The following HDAC9 variants were observed in gnomAD, a reference collection of about 807,000 sequenced individuals.
HDAC9 encodes MEF-2 interacting transcription repressor (MITR) protein.
A neutral mutation model predicts 139.4 loss-of-function variants in HDAC9; 41 were observed. The ratio of observed to expected loss-of-function variants is 0.29; its 90% confidence interval spans 0.23 to 0.38. The LOEUF is 0.38. Ranked by LOEUF, HDAC9 falls within the 10% of genes least tolerant of loss-of-function variation. The pLI is 1.00. For synonymous variants in HDAC9, 517 were observed against 476.2 expected (o/e 1.09, Z -1.12); for missense variants, 1,147 against 1,297.0 (o/e 0.88, Z 1.78).
chr7:18,362,538 G>A (rs1209138130), intron 1 of HDAC9, among the ~76,000 whole-genome samples: 1 of 152,046 alleles, frequency 6.6e-6, no homozygotes, highest in East Asian at 1.9e-4. Context: ...TAAATAGCTT[G>A]GAATTATGAG....
intron 2 of HDAC9, among the ~76,000 whole-genome samples, chr7:18,271,124 C>G (rs1004862853): frequency 6.6e-6 from 1 of 152,046 alleles, no homozygotes; most frequent in Admixed American, 6.6e-5. Flanking sequence ...GATTGTTTTT[C>G]ACTATTATTC....
At chr7:18,834,486 A>G (rs1796082975) in intron 19 of HDAC9, among the ~76,000 whole-genome samples, 1 of 151,788 alleles carries the variant, frequency 6.6e-6, no homozygotes, top group Non-Finnish European at 1.5e-5. Flanking sequence ...TATCTGTATC[A>G]TAAAACAGTG....
rs138887802 is a variant in HDAC9, at chr7:18,266,368, A to G, written c.25+104019A>G. Among the ~76,000 whole-genome samples, 715 of 152,262 alleles carry G rather than the reference A, an allele frequency of 4.7e-3. 2 individuals are homozygous for G. The highest frequency in any genetic ancestry group is 0.016 in the African/African-American group (675 of 41,562). On this transcript the variant is annotated intron_variant, in intron 2 of 12. Coordinates refer to the HDAC9 transcript ENST00000417496. ...TCATTTTTGATAAGTTATAGGCCAAATACTCAGGTCTGAATAATCAGTTAA... is the reference window on the plus strand; with the variant it reads ...TCATTTTTGATAAGTTATAGGCCAAGTACTCAGGTCTGAATAATCAGTTAA...
At chr7:18,955,041 CCACTT>C (rs1260717509) in intron 24 of HDAC9, among the ~76,000 whole-genome samples, 1 of 152,062 alleles carries the variant, frequency 6.6e-6, no homozygotes, top group Non-Finnish European at 1.5e-5. Context: ...AAATAATTCT[CCACTT>C]CATCTCACTC....
intron 21 of HDAC9, among the ~76,000 whole-genome samples, chr7:18,844,823 T>A (rs756453172): frequency 6.6e-6 from 1 of 152,208 alleles, no homozygotes. Flanking sequence ...CTCCCAGAGC[T>A]GCCTCATTAG....
chr7:18,625,982 A>AGGACTATATTAATCAGGATCCTGGCAGG (rs1841600452), intron 6 of HDAC9, among the ~76,000 whole-genome samples: 1 of 141,376 alleles, frequency 7.1e-6, no homozygotes, highest in Non-Finnish European at 1.5e-5. Flanking sequence ...AAAGATATGT[A>AGGACTATATTAATCAGGATCCTGGCAGG]GGACTATATT....
intron 21 of HDAC9, among the ~76,000 whole-genome samples, chr7:18,843,020 G>T (rs1352066865): frequency 6.6e-6 from 1 of 152,016 alleles, no homozygotes; most frequent in African/African-American, 2.4e-5. Context: ...GTTTTTAAAA[G>T]GTCGGATCAG....
At chr7:18,640,814 C>T (rs1281421440) in intron 8 of HDAC9, among the ~76,000 whole-genome samples, 3 of 151,982 alleles carry the variant, frequency 2.0e-5, no homozygotes, top group African/African-American at 4.8e-5. Flanking sequence ...AAAAATCCAT[C>T]GTGGGTGCTG....
intron 6 of HDAC9, among the ~76,000 whole-genome samples, chr7:18,614,354 C>G (rs1838008029): frequency 6.6e-6 from 1 of 152,170 alleles, no homozygotes; most frequent in Admixed American, 6.6e-5. Context: ...ATGCCTCTCT[C>G]CCAAACATGC....
chr7:18,787,955 T>C (rs1791960723), intron 16 of HDAC9, among the ~76,000 whole-genome samples: 1 of 152,166 alleles, frequency 6.6e-6, no homozygotes, highest in Non-Finnish European at 1.5e-5. Flanking sequence ...TGTCTTTAGG[T>C]AATTGCTTAG....
In HDAC9 at chr7:18,559,646, A is replaced by T. The variant is rs923225523; in HGVS notation, c.23-25635A>T. On this transcript the variant is annotated intron_variant, in intron 2 of 25. Transcript: ENST00000686413. ...GAGTTTAAGGAGCTAAGGCCCCTAC[A>T]CTGGTGTTCAGTTATTCCCTTTTCA... 1.2e-4 allele frequency among the ~76,000 whole-genome samples: 19 copies of T among 152,076 alleles called. 1 individual carries two copies. The highest frequency in any genetic ancestry group is 4.6e-4 in the African/African-American group (19 of 41,404).
intron 1 of HDAC9, among the ~76,000 whole-genome samples, chr7:18,103,795 A>T (rs1469216802): frequency 6.6e-6 from 1 of 152,192 alleles, no homozygotes; most frequent in Non-Finnish European, 1.5e-5. Flanking sequence ...AAACTTCTAC[A>T]TAAAGATCGA....
chr7:18,751,121 T>A (rs2301590), intron 14 of HDAC9, among the ~76,000 whole-genome samples: 1 of 152,192 alleles, frequency 6.6e-6, no homozygotes, highest in East Asian at 1.9e-4. Context: ...CTGGTTAGTC[T>A]TCTTTTTCAA....
At position 18,410,883 on chromosome 7, in the gene HDAC9, C is replaced by T. The variant is rs138370414; in HGVS notation, c.-41-85379C>T. On this transcript the variant is annotated intron_variant, in intron 1 of 3. Transcript: ENST00000413509. Reference sequence around the variant, plus strand: ...TTAATATAGCTTTACAAATAATTCACCATTTTAATGAGGGTTGTGAGAAGC... The same window carrying T: ...TTAATATAGCTTTACAAATAATTCATCATTTTAATGAGGGTTGTGAGAAGC... 2.8e-4 allele frequency among the ~76,000 whole-genome samples: 43 copies of T among 152,100 alleles called. 1 individual carries two copies. Among genetic ancestry groups the T allele is most frequent in the African/African-American group, 9.4e-4 (39 of 41,498 alleles).
rs554990969 is a variant in HDAC9, at chr7:18,875,051, G to A, written c.2803+455G>A. Among the ~76,000 whole-genome samples the A allele has an allele frequency of 8.5e-5, 13 of 152,240 alleles. No individual in the cohort carries two copies. The South Asian group carries it at 2.7e-3, about 32-fold the overall frequency. On this transcript the variant is annotated intron_variant, in intron 22 of 25. Transcript: ENST00000686413. ...AAAAGTGTAATTCCCCTTGCTCAGAGCCTCTGTATGTGTCTATGGGCAACC... is the reference window on the plus strand; with the variant it reads ...AAAAGTGTAATTCCCCTTGCTCAGAACCTCTGTATGTGTCTATGGGCAACC...
intron 21 of HDAC9, among the ~76,000 whole-genome samples, chr7:18,854,626 G>T (rs1797540354): frequency 6.6e-6 from 1 of 151,272 alleles, no homozygotes; most frequent in Non-Finnish European, 1.5e-5. Flanking sequence ...AGAAATAGAG[G>T]ACAAAGACAC....
intron 1 of HDAC9, among the ~76,000 whole-genome samples, chr7:18,117,412 G>T (rs1381225316): frequency 1.3e-5 from 2 of 151,914 alleles, no homozygotes; most frequent in African/African-American, 4.8e-5. Context: ...CGTGAACCTG[G>T]GAGGCGGAGC....
chr7:18,940,628 A>G (rs1328952743), intron 23 of HDAC9, among the ~76,000 whole-genome samples: 3 of 152,172 alleles, frequency 2.0e-5, no homozygotes, highest in Non-Finnish European at 2.9e-5. Context: ...CAATAACCAC[A>G]TAGTTTTTAG....
rs1384273199 is a variant in HDAC9, at chr7:18,568,026, G to GTGTATATATA, written c.23-17254_23-17253insGTATATATAT. On this transcript the variant is annotated intron_variant, in intron 2 of 25. Transcript: ENST00000686413. ...TTATACATACAGGATATATGTATAT[G>GTGTATATATA]TATATATATATATATATATATATAT... Among the ~76,000 whole-genome samples the GTGTATATATA allele has an allele frequency of 1.0e-3, 131 of 126,804 alleles. 3 individuals are homozygous for GTGTATATATA. The highest frequency in any genetic ancestry group is 4.1e-3 in the Middle Eastern group (1 of 244). The allele number at this position is 126,804 out of a possible 152,430, so 83.2% of individuals were successfully genotyped here.
Sources: allele counts gnomAD v4.1 joint callset (sites outside exome capture counted in the v4.1 genomes callset), GRCh38; gene constraint gnomAD v4.1.1; transcripts MANE v1.5; gene names NCBI Gene and HGNC (gene_info 2026-07-23, HGNC 2026-07-21).